MAPK6: variants seen among roughly 807,000 people sequenced by gnomAD.
MAPK6 encodes the protein mitogen-activated protein kinase 6.
MAPK6 carries 19 observed loss-of-function variants against 59.3 expected under a neutral mutation model. That is an observed-to-expected ratio of 0.32 (90% CI 0.22 to 0.47). The LOEUF (loss-of-function observed/expected upper bound fraction) is 0.47. MAPK6 is among the 20% of genes least tolerant of loss of function. The pLI, the probability that MAPK6 is intolerant of heterozygous loss-of-function variation, is 1.00. For missense variants in MAPK6, 724 were observed against 847.9 expected (o/e 0.85, Z 1.81); for synonymous variants, 316 against 290.3 (o/e 1.09, Z -0.90).
At chr15:52,034,729 C>A (rs900920042) in intron 1 of MAPK6, among the ~76,000 whole-genome samples, 1 of 151,900 alleles carries the variant, frequency 6.6e-6, no homozygotes, top group Non-Finnish European at 1.5e-5. Context: ...ATGGAATCTT[C>A]CTCTGTTGCC....
In MAPK6 at chr15:52,063,958, T is replaced by C. The variant is rs1566915885; in HGVS notation, c.1124T>C (p.Ile375Thr). Reference protein sequence around the residue: ...HDWPVHNNFDIDEVQLDPRAL... With the variant: ...HDWPVHNNFDTDEVQLDPRAL... ...TGGCCTGTACATAACAACTTTGATATTGATGAAGTTCAGCTTGATCCAAGA... is the reference window on the plus strand; with the variant it reads ...TGGCCTGTACATAACAACTTTGATACTGATGAAGTTCAGCTTGATCCAAGA... The change falls in exon 6 of 6, where the codon ATT (isoleucine) becomes ACT (threonine). Residue 375 changes from isoleucine (I) to threonine (T), a missense_variant. Coordinates refer to ENST00000261845, the MANE Select transcript of MAPK6 (RefSeq NM_002748.4). 6.2e-7 allele frequency: 1 copy of C among 1,603,828 alleles called. No homozygotes were observed. Among genetic ancestry groups the C allele is most frequent in the Admixed American group, 1.7e-5 (1 of 58,072 alleles).
chr15:52,005,538 A>G lies in MAPK6; in HGVS notation c.-632+1136A>G, dbSNP rs191305313. 2.3e-3 allele frequency among the ~76,000 whole-genome samples: 350 copies of G among 151,956 alleles called. 2 individuals are homozygous for G. The highest frequency in any genetic ancestry group is 7.9e-3 in the African/African-American group (329 of 41,468). ...GTGACATTCCATCTCAAAAAAAAAAAAGAGAGAGAGAGATCTGGCTTAACT... is the reference window on the plus strand; with the variant it reads ...GTGACATTCCATCTCAAAAAAAAAAGAGAGAGAGAGAGATCTGGCTTAACT... On this transcript the variant is annotated intron_variant, in intron 3 of 7. Coordinates refer to the MAPK6 transcript ENST00000691380.
intron 3 of MAPK6, among the ~76,000 whole-genome samples, chr15:52,054,741 C>CATAT (rs1456273274): frequency 6.6e-6 from 1 of 150,666 alleles, no homozygotes; most frequent in East Asian, 1.9e-4. Flanking sequence ...CACACACACA[C>CATAT]ACACACACAT....
intron 1 of MAPK6, chr15:52,024,699 T>C (rs1267431290): frequency 6.6e-6 from 1 of 151,682 alleles, no homozygotes; most frequent in Non-Finnish European, 1.5e-5. Context: ...ATTACAGGTA[T>C]GAGCCACCGC....
At chr15:51,972,799 G>A (rs2141795497) in intron 1 of MAPK6, among the ~76,000 whole-genome samples, 1 of 150,948 alleles carries the variant, frequency 6.6e-6, no homozygotes, top group South Asian at 2.1e-4. Context: ...TCCAGCCTGG[G>A]CACGAGACTC....
intron 1 of MAPK6, among the ~76,000 whole-genome samples, chr15:52,038,653 A>G (rs1268635319): frequency 6.6e-6 from 1 of 152,188 alleles, no homozygotes; most frequent in Non-Finnish European, 1.5e-5. Flanking sequence ...GCTTGAAGAA[A>G]GAGGCTGTGC....
chr15:52,010,877 G>A (rs1442586506), intron 3 of MAPK6: 1 of 152,196 alleles, frequency 6.6e-6, no homozygotes, highest in Non-Finnish European at 1.5e-5. Context: ...TTGTTTGCAG[G>A]TGGTAGTCTT....
rs1443555806 is a variant in MAPK6 at position 52,050,122 on chromosome 15, A to C, written c.685A>C (p.Lys229Gln). ...CATCTTTGCTGAAATGCTGACTGGTAAAACCCTTTTTGCAGGTTAGTATTT... is the reference window on the plus strand; with the variant it reads ...CATCTTTGCTGAAATGCTGACTGGTCAAACCCTTTTTGCAGGTTAGTATTT... ...GCIFAEMLTG[K>Q]TLFAGAHELE... Residue 229 changes from lysine to glutamine, a missense_variant, in exon 3 of 6, where the codon AAA becomes CAA. By Grantham distance (53) the Lys-to-Gln change is moderately conservative. Transcript: ENST00000261845. 1 of 1,608,724 alleles carries C rather than the reference A, an allele frequency of 6.2e-7. No homozygotes were observed. The highest frequency in any genetic ancestry group is 8.5e-7 in the Non-Finnish European group (1 of 1,178,958).
intron 1 of MAPK6, among the ~76,000 whole-genome samples, chr15:52,030,544 A>G: frequency 6.8e-6 from 1 of 146,440 alleles, no homozygotes; most frequent in Admixed American, 6.8e-5. Flanking sequence ...TGATTATCAG[A>G]TGGTAGTACT....
chr15:52,039,198 T>C (rs1702989153), intron 1 of MAPK6, among the ~76,000 whole-genome samples: 1 of 152,070 alleles, frequency 6.6e-6, no homozygotes, highest in African/African-American at 2.4e-5. Flanking sequence ...TTAGTAGAGA[T>C]GGAGTTTGAC....
chr15:51,989,568 C>T (rs990384797), intron 2 of MAPK6, among the ~76,000 whole-genome samples: 1 of 151,990 alleles, frequency 6.6e-6, no homozygotes. Flanking sequence ...TATTTCAAGT[C>T]CCCTTATATG....
chr15:52,049,479 C>T (rs907666697), intron 2 of MAPK6, among the ~76,000 whole-genome samples: 1 of 151,658 alleles, frequency 6.6e-6, no homozygotes, highest in African/African-American at 2.4e-5. Context: ...AGGCGTGTGC[C>T]ACCATGCCAG....
chr15:52,016,522 C>G (rs1212796175), upstream of MAPK6, among the ~76,000 whole-genome samples: 2 of 152,096 alleles, frequency 1.3e-5, no homozygotes. Flanking sequence ...TTGCAAATAA[C>G]TTGATTGTGG....
At chr15:52,016,108 A>ACACACACACACAC (rs1233223251), upstream of MAPK6, among the ~76,000 whole-genome samples, 2 of 133,536 alleles carry the variant, frequency 1.5e-5, no homozygotes, top group East Asian at 2.5e-4. Context: ...ACACACACAC[A>ACACACACACACAC]AACTAAAACT....
chr15:52,016,346 G>C (rs2030271701), upstream of MAPK6, among the ~76,000 whole-genome samples: 1 of 151,146 alleles, frequency 6.6e-6, no homozygotes, highest in African/African-American at 2.4e-5. Flanking sequence ...CCTAGATCGT[G>C]CCACTACACT....
Position 52,064,383 on chromosome 15 carries a change from A to C in MAPK6, c.1549A>C (p.Lys517Gln). ...LEEASQQLAG[K>Q]EREKNQGFDF... The stretch of plus-strand genomic sequence containing the variant: ...GGAAGCATCACAGCAACTGGCTGGA[A>C]AAGAAAGGGAAAAGAATCAGGGATT... The change falls in exon 6 of 6, where the codon AAA becomes CAA. Residue 517 changes from lysine (K) to glutamine (Q), a missense_variant. By Grantham distance (53) the Lys-to-Gln change is moderately conservative (BLOSUM62 1). Around this residue, in one of 4 missense-constraint regions of MAPK6, gnomAD observed 502 missense variants for 507.6 expected, o/e 0.99. Transcript: ENST00000261845. The C allele has an allele frequency of 1.9e-6, 3 of 1,611,940 alleles. No homozygotes were observed. The highest frequency in any genetic ancestry group is 2.5e-6 in the Non-Finnish European group (3 of 1,179,820).
chr15:52,027,349 C>CAAAAAAAAAA (rs71130120), intron 1 of MAPK6, among the ~76,000 whole-genome samples: 3,794 of 48,936 alleles, frequency 0.078, 1,072 homozygotes, highest in Non-Finnish European at 0.088. Flanking sequence ...GACTCCCTCT[C>CAAAAAAAAAA]AAAAAAAAAA....
chr15:51,996,660 C>G (rs1433794181), intron 2 of MAPK6, among the ~76,000 whole-genome samples: 1 of 151,924 alleles, frequency 6.6e-6, no homozygotes, highest in East Asian at 1.9e-4. Flanking sequence ...CCTCCCAAAG[C>G]ACTAAGACTA....
chr15:51,993,673 C>T (rs949831539), intron 2 of MAPK6, among the ~76,000 whole-genome samples: 5 of 152,172 alleles, frequency 3.3e-5, no homozygotes, highest in Non-Finnish European at 7.4e-5. Context: ...TATGTACACA[C>T]ATACATATAT....
Sources: gnomAD v4.1 joint callset for allele counts (sites outside exome capture counted in the v4.1 genomes callset) on GRCh38, gnomAD v4.1.1 for gene constraint, gnomAD v4.1.1 regional missense constraint, MANE v1.5 for transcripts, NCBI Gene and HGNC (gene_info 2026-07-23, HGNC 2026-07-21) for gene names.